Variants in FCN2 observed in about 807,000 individuals in gnomAD.
The protein encoded by FCN2 is ficolin-2.
Under a neutral mutation model 32.5 loss-of-function variants are expected in FCN2, and 31 were observed. The ratio of observed to expected loss-of-function variants is 0.96; its 90% CI spans 0.72 to 1.29. FCN2 has a LOEUF of 1.29. FCN2 is among the 50% of genes most tolerant of loss of function. The pLI, the probability that FCN2 is intolerant of heterozygous loss-of-function variation, is 0.00. For synonymous variants in FCN2, 181 were observed against 164.5 expected (o/e 1.10, Z -0.77); for missense variants, 412 against 406.5 (o/e 1.01, Z -0.12).
Position 134,882,526 on chromosome 9 carries a change from A to T in FCN2, c.101A>T (p.Glu34Val), listed in dbSNP as rs780051971. Reference protein sequence around the residue: ...WALQAADTCPEVKMVGLEGSD... With the variant: ...WALQAADTCPVVKMVGLEGSD... ...AGTGGCCACCTGTGTTTTTCTGCAG[A>T]GGTGAAGATGGTGGGCCTGGAGGGC... The change falls in exon 2 of 8, where the codon GAG (glutamate) becomes GTG (valine). Residue 34 changes from glutamate (E) to valine (V), a missense_variant and splice_region_variant. Physicochemically the swap from Glu to Val is moderately radical, Grantham distance 121. Coordinates refer to ENST00000291744, the MANE Select transcript of FCN2 (RefSeq NM_004108.3). 1.9e-6 allele frequency: 3 copies of T among 1,613,670 alleles called. No individual in the cohort carries two copies. In the South Asian group the frequency reaches 3.3e-5, roughly 18 times the overall value.
chr9:134,878,169 T>A (rs1327387883), upstream of FCN2, among the ~76,000 whole-genome samples: 1 of 152,200 alleles, frequency 6.6e-6, no homozygotes, highest in East Asian at 1.9e-4. Context: ...GCACACAGCC[T>A]ATTGTGATCC....
In FCN2 at chr9:134,887,476, G is replaced by T; in HGVS notation, c.*61G>T. ...ATAGTTGGTTGGGGGGTAGGGTTGG[G>T]AGCTTGGCCCTACGGTTTGTAAAAG... On this transcript the variant is annotated 3_prime_UTR_variant, in exon 8 of 8. Transcript: ENST00000291744. 1 of 1,538,440 alleles carries T rather than the reference G, an allele frequency of 6.5e-7. No homozygotes were observed. The highest frequency in any genetic ancestry group is 9.0e-7 in the Non-Finnish European group (1 of 1,114,740).
At chr9:134,871,569 C>T in the FCN2 span, among the ~76,000 whole-genome samples, 1 of 152,200 alleles carries the variant, frequency 6.6e-6, no homozygotes, top group African/African-American at 2.4e-5. Flanking sequence ...GGCCCCAGAC[C>T]CTTCGGGACC....
At chr9:134,881,913 G>A (rs1017295874) in intron 1 of FCN2, among the ~76,000 whole-genome samples, 6 of 152,212 alleles carry the variant, frequency 3.9e-5, no homozygotes, top group Non-Finnish European at 7.3e-5. Flanking sequence ...ACAACAAGCT[G>A]CATTCCAGCT....
chr9:134,887,132 C>T (rs199873964), intron 7 of FCN2, 36 bp from the exon 8 acceptor site: 2 of 1,613,056 alleles, frequency 1.2e-6, no homozygotes, highest in Admixed American at 1.7e-5. Context: ...AATGATGTTA[C>T]TGCCTGTAAC....
At position 134,886,437 on chromosome 9, in the gene FCN2, C is replaced by G. The variant is rs150362115; in HGVS notation, c.567C>G (p.Ser189Arg). The change falls in exon 7 of 8, where the codon AGC becomes AGG. Residue 189 changes from serine to arginine, a missense_variant. Physicochemically the swap from Ser to Arg is moderately radical, Grantham distance 110. Coordinates refer to ENST00000291744, the MANE Select transcript of FCN2 (RefSeq NM_004108.3). Reference sequence around the variant, plus strand: ...GAAACCTTTCTCTAACAGGAACCAGCGAGCTCCGTGTAGACCTGGTGGACT... The same window carrying G: ...GAAACCTTTCTCTAACAGGAACCAGGGAGCTCCGTGTAGACCTGGTGGACT... ...NIHALTAQGT[S>R]ELRVDLVDFE... The G allele has an allele frequency of 6.2e-7, 1 of 1,614,162 alleles. No homozygotes were observed. Among genetic ancestry groups the G allele is most frequent in the South Asian group, 1.1e-5 (1 of 91,076 alleles).
upstream of FCN2, among the ~76,000 whole-genome samples, chr9:134,877,590 C>A (rs1830614651): frequency 6.6e-6 from 1 of 152,158 alleles, no homozygotes; most frequent in African/African-American, 2.4e-5. Context: ...CACAGTTTAC[C>A]TTCCGGCAAC....
chr9:134,872,130 A>G, the FCN2 span, among the ~76,000 whole-genome samples: 2 of 152,044 alleles, frequency 1.3e-5, no homozygotes, highest in South Asian at 4.1e-4. Context: ...GTTTCCTTTC[A>G]CTGTAGTCAT....
At position 134,884,785 on chromosome 9, in the gene FCN2, C is replaced by A. The variant is rs372531107; in HGVS notation, c.301+13C>A. 235 of 1,613,384 alleles carry A rather than the reference C, an allele frequency of 1.5e-4. No homozygotes were observed. The African/African-American group carries it at 1.9e-3, about 13-fold the overall frequency. ...CCGTGCCTGACAGGTGACTGACCAC[C>A]CCCACACTCCTCCCACGGCTTGTGG... is the stretch of plus-strand genomic sequence containing the variant. On this transcript the variant is annotated intron_variant, in intron 4 of 7. Coordinates refer to ENST00000291744, the MANE Select transcript of FCN2 (RefSeq NM_004108.3).
chr9:134,873,591 G>A, the FCN2 span, among the ~76,000 whole-genome samples: 1 of 152,206 alleles, frequency 6.6e-6, no homozygotes, highest in South Asian at 2.1e-4. Flanking sequence ...TTTGCATTTT[G>A]CCATGTACGG....
upstream of FCN2, among the ~76,000 whole-genome samples, chr9:134,876,810 G>T (rs1830607499): frequency 1.3e-5 from 2 of 152,140 alleles, no homozygotes; most frequent in Admixed American, 6.5e-5. Flanking sequence ...ACTGACTTCA[G>T]GTGATCTACC....
In FCN2 at chr9:134,887,416, C is replaced by T. The variant is rs779378693; in HGVS notation, c.*1C>T. 1 of 1,613,848 alleles carries T rather than the reference C, an allele frequency of 6.2e-7. No homozygotes were observed. Among genetic ancestry groups the T allele is most frequent in the African/African-American group, 1.3e-5 (1 of 74,894 alleles). ...AGAGATGAAGGTGCGACCTGCCTAGCCCAGGCCGGCCTCAGGGTCAGGACG... is the reference window on the plus strand; with the variant it reads ...AGAGATGAAGGTGCGACCTGCCTAGTCCAGGCCGGCCTCAGGGTCAGGACG... On this transcript the variant is annotated 3_prime_UTR_variant, in exon 8 of 8. Coordinates refer to ENST00000291744, the MANE Select transcript of FCN2 (RefSeq NM_004108.3).
chr9:134,876,200 G>A (rs1454703440), upstream of FCN2, among the ~76,000 whole-genome samples: 6 of 152,150 alleles, frequency 3.9e-5, no homozygotes, highest in African/African-American at 1.4e-4. Context: ...TGGTATCTAT[G>A]TTCATGAGGG....
chr9:134,878,039 G>A (rs1474902757), upstream of FCN2, among the ~76,000 whole-genome samples: 1 of 152,088 alleles, frequency 6.6e-6, no homozygotes, highest in Non-Finnish European at 1.5e-5. Context: ...GAAAAAGCGA[G>A]ATGGGCCTAG....
upstream of FCN2, among the ~76,000 whole-genome samples, chr9:134,878,594 A>G (rs1184279624): frequency 2.6e-5 from 4 of 152,174 alleles, no homozygotes; most frequent in African/African-American, 9.7e-5. Context: ...TGTAATCCCA[A>G]CACTTAGGGA....
At chr9:134,865,324 C>T in the FCN2 span, among the ~76,000 whole-genome samples, 1 of 152,192 alleles carries the variant, frequency 6.6e-6, no homozygotes, top group Non-Finnish European at 1.5e-5. Flanking sequence ...GTACGTTGCT[C>T]TGAACTCAGA....
At chr9:134,868,750 C>T in the FCN2 span, among the ~76,000 whole-genome samples, 1 of 152,326 alleles carries the variant, frequency 6.6e-6, no homozygotes, top group African/African-American at 2.4e-5. This position sits in a 1 kb window ranked among gnomAD's most constrained non-coding sequence, Gnocchi z 4.3. Flanking sequence ...TGGTGGGATG[C>T]CATGGCCGTT....
the FCN2 span, among the ~76,000 whole-genome samples, chr9:134,875,026 A>G: frequency 6.6e-6 from 1 of 152,358 alleles, no homozygotes; most frequent in African/African-American, 2.4e-5. Context: ...AACGGATTTT[A>G]TATATTGAAG....
chr9:134,885,644 G>T, intron 5 of FCN2, 124 bp from the exon 6 acceptor site: 1 of 1,345,774 alleles, frequency 7.4e-7, no homozygotes, highest in Non-Finnish European at 1.0e-6. Context: ...ACAGGTGGGC[G>T]TGCTGGTGAC....
Sources: gnomAD v4.1 joint callset for allele counts (sites outside exome capture counted in the v4.1 genomes callset) on GRCh38, gnomAD v4.1.1 for gene constraint, Gnocchi (gnomAD v3.1) non-coding constraint, MANE v1.5 for transcripts, NCBI Gene and HGNC (gene_info 2026-07-23, HGNC 2026-07-21) for gene names.